Variants in VPS53 observed in about 807,000 individuals in gnomAD.
VPS53 encodes vacuolar protein sorting-associated protein 53 homolog.
VPS53 carries 70 observed loss-of-function variants against 107.0 expected under a neutral mutation model. That is an observed-to-expected ratio of 0.65 (90% confidence interval 0.54 to 0.80). VPS53 has a LOEUF of 0.80. Among genes scored for constraint, VPS53 ranks in the 30% least tolerant of loss-of-function variants. VPS53 has a pLI of 0.00. For synonymous variants in VPS53, 409 were observed against 393.3 expected (o/e 1.04, Z -0.47); for missense variants, 917 against 1,049.4 (o/e 0.87, Z 1.74).
At chr17:610,983 C>T (rs1386867301) in intron 11 of VPS53, among the ~76,000 whole-genome samples, 1 of 151,064 alleles carries the variant, frequency 6.6e-6, no homozygotes, top group Non-Finnish European at 1.5e-5. Context: ...AATGTGTAAA[C>T]AACTCTTACA....
chr17:523,110 C>A (rs78074970), intron 19 of VPS53: 5,437 of 152,620 alleles, frequency 0.036, 126 homozygotes, highest in Non-Finnish European at 0.048. Context: ...TTTCCGGTTG[C>A]CCAGGTAAAT....
intron 13 of VPS53, among the ~76,000 whole-genome samples, chr17:566,735 T>G (rs190437525): frequency 2.5e-3 from 379 of 152,098 alleles, no homozygotes; most frequent in African/African-American, 8.8e-3. Context: ...TTTTGTTTTT[T>G]TTTGTTTTTG....
intron 4 of VPS53, chr17:675,563 T>C (rs1972119143): frequency 2.0e-5 from 3 of 152,034 alleles, no homozygotes; most frequent in East Asian, 1.9e-4. Context: ...CACCTCAGGT[T>C]GGGTGTTCGA....
At chr17:662,972 GA>G (rs1971535300) in intron 4 of VPS53, among the ~76,000 whole-genome samples, 2 of 151,992 alleles carry the variant, frequency 1.3e-5, no homozygotes, top group African/African-American at 4.8e-5. Context: ...TTCAGAGGCT[GA>G]GGCAGGAGGA....
chr17:631,986 C>T (rs1179954382), intron 7 of VPS53, among the ~76,000 whole-genome samples: 2 of 152,146 alleles, frequency 1.3e-5, no homozygotes, highest in African/African-American at 4.8e-5. Context: ...CAGTGGTTCA[C>T]GCCTGGAATC....
At chr17:574,269 A>AT (rs1914421510) in intron 13 of VPS53, among the ~76,000 whole-genome samples, 1 of 152,058 alleles carries the variant, frequency 6.6e-6, no homozygotes. Flanking sequence ...CCAGCACTTC[A>AT]TTTTTCACAG....
intron 2 of VPS53, 80 bp from the exon 3 acceptor site, chr17:699,460 A>G: frequency 8.7e-7 from 1 of 1,143,960 alleles, no homozygotes; most frequent in Non-Finnish European, 1.2e-6. Context: ...ATGTGCTATA[A>G]TAGCTACTTA....
rs533778637 is a variant in VPS53 at position 653,756 on chromosome 17, G to A, written c.489-346C>T. On this transcript the variant is annotated intron_variant, in intron 6 of 21. Coordinates refer to ENST00000437048, the MANE Select transcript of VPS53 (RefSeq NM_001128159.3). ...TGTGGGGAGGGGAATCTGGGAAGAC[G>A]ATGAATTTAGAATTTGGGTTGGATA... is the stretch of plus-strand genomic sequence containing the variant. Among the ~76,000 whole-genome samples the A allele has an allele frequency of 2.7e-4, 41 of 152,334 alleles. No homozygotes were observed. The South Asian group carries it at 8.1e-3, about 30-fold the overall frequency.
chr17:651,424 TA>T (rs1299944793), intron 7 of VPS53, among the ~76,000 whole-genome samples: 1 of 152,196 alleles, frequency 6.6e-6, no homozygotes, highest in Non-Finnish European at 1.5e-5. Context: ...ACCCTGTCTC[TA>T]CAAAAAAGTA....
At chr17:549,513 CACCGAACGA>C (rs1911613386) in intron 17 of VPS53, among the ~76,000 whole-genome samples, 1 of 152,050 alleles carries the variant, frequency 6.6e-6, no homozygotes, top group Non-Finnish European at 1.5e-5. Flanking sequence ...GAGGGAAATC[CACCGAACGA>C]ACCGACAGTT....
At chr17:617,079 C>G (rs1969172144) in intron 11 of VPS53, among the ~76,000 whole-genome samples, 1 of 152,190 alleles carries the variant, frequency 6.6e-6, no homozygotes, top group Non-Finnish European at 1.5e-5. Context: ...ACCTATTTCC[C>G]GTCCGGTTAT....
chr17:612,918 C>A (rs1567675423), intron 11 of VPS53, among the ~76,000 whole-genome samples: 3 of 147,954 alleles, frequency 2.0e-5, no homozygotes, highest in Middle Eastern at 3.6e-3. Context: ...CAGTGAAAAC[C>A]TGCACAGATA....
intron 7 of VPS53, among the ~76,000 whole-genome samples, chr17:639,847 A>T (rs1029396785): frequency 6.6e-6 from 1 of 150,510 alleles, no homozygotes; most frequent in South Asian, 2.1e-4. Context: ...CTCGGGGGTC[A>T]GGGACCCACT....
At chr17:649,758 T>C (rs1412745700) in intron 7 of VPS53, among the ~76,000 whole-genome samples, 1 of 152,188 alleles carries the variant, frequency 6.6e-6, no homozygotes, top group East Asian at 1.9e-4. Flanking sequence ...GCACTGAAGA[T>C]TGTACACTGT....
At chr17:538,872 G>A (rs1204418383) in intron 17 of VPS53, 1 of 152,194 alleles carries the variant, frequency 6.6e-6, no homozygotes, top group Non-Finnish European at 1.5e-5. Context: ...TATGTGAAAT[G>A]TTTTCCTCAT....
intron 17 of VPS53, among the ~76,000 whole-genome samples, chr17:545,849 C>G (rs1911142699): frequency 6.6e-6 from 1 of 152,172 alleles, no homozygotes; most frequent in African/African-American, 2.4e-5. Context: ...AATAAATATG[C>G]TCTGGCTGAG....
Position 514,756 on chromosome 17 carries a change from T to C in VPS53, c.*4372A>G, listed in dbSNP as rs1163367343. ...CGCTCTGCGTGCCCTGTACTGGTCA[T>C]GCTGGTCTCAGCTTGTCTGCTCTCA... is the stretch of plus-strand genomic sequence containing the variant. On this transcript the variant is annotated 3_prime_UTR_variant, in exon 22 of 22. Transcript: ENST00000437048. 1 of 152,610 alleles carries C rather than the reference T, an allele frequency of 6.6e-6. No individual in the cohort carries two copies. The highest frequency in any genetic ancestry group is 1.5e-5 in the Non-Finnish European group (1 of 68,338). 9.5% of individuals were successfully genotyped at this position (152,610 alleles called of 1,614,324 possible).
At chr17:600,469 T>C (rs1266667235) in intron 12 of VPS53, among the ~76,000 whole-genome samples, 2 of 152,264 alleles carry the variant, frequency 1.3e-5, no homozygotes, top group Non-Finnish European at 2.9e-5. Context: ...CTGCATTTAA[T>C]TAGTTACAAG....
In VPS53 at chr17:510,995, C is replaced by T. The variant is rs1403790208; in HGVS notation, c.*8133G>A. 1 of 152,194 alleles carries T rather than the reference C, an allele frequency of 6.6e-6. No homozygotes were observed. The allele number at this position is 152,194 out of a possible 1,614,324, so 9.4% of individuals were successfully genotyped here. On this transcript the variant is annotated 3_prime_UTR_variant, in exon 22 of 22. Transcript: ENST00000437048. ...GGTGTGGGTATGAGGTTGTGGGGGG[C>T]TCTGTGTGTAAACTGATGTTTCTTT...
Sources: gnomAD v4.1 joint callset for allele counts (sites outside exome capture counted in the v4.1 genomes callset) on GRCh38, gnomAD v4.1.1 for gene constraint, MANE v1.5 for transcripts, NCBI Gene and HGNC (gene_info 2026-07-23, HGNC 2026-07-21) for gene names.